The following GIPC2 variants were observed in gnomAD, a reference collection of about 807,000 sequenced individuals.
GIPC2 encodes the protein PDZ domain-containing protein GIPC2.
In GIPC2, 30 loss-of-function variants were observed where a neutral mutation model predicts 30.6. The observed-to-expected ratio is 0.98, with a 90% CI of 0.73 to 1.33. The LOEUF is 1.33. Among genes scored for constraint, GIPC2 ranks in the 40% most tolerant of loss-of-function variants. The probability of loss-of-function intolerance (pLI) is 0.00; values close to 1 mark genes in which losing one functional copy is unlikely to be tolerated. For synonymous variants in GIPC2, 167 were observed against 150.0 expected, an observed-to-expected ratio of 1.11 and a Z score of -0.83; for missense variants, 414 against 390.3, an observed-to-expected ratio of 1.06 and a Z score of -0.51.
At chr1:78,077,590 G>A (rs1661738700) in intron 1 of GIPC2, among the ~76,000 whole-genome samples, 1 of 152,160 alleles carries the variant, frequency 6.6e-6, no homozygotes, top group Admixed American at 6.5e-5. Context: ...GTGATACCTT[G>A]TTACGAGTTT....
intron 1 of GIPC2, among the ~76,000 whole-genome samples, chr1:78,051,875 C>T (rs950134301): frequency 6.6e-6 from 1 of 152,192 alleles, no homozygotes; most frequent in Non-Finnish European, 1.5e-5. Flanking sequence ...CTTCTTTTGA[C>T]ACCTGTTCCC....
At chr1:78,124,672 T>G (rs946017920) in intron 4 of GIPC2, among the ~76,000 whole-genome samples, 3 of 152,144 alleles carry the variant, frequency 2.0e-5, no homozygotes, top group African/African-American at 7.2e-5. Flanking sequence ...GCATCCTACT[T>G]GAAGTGTCCT....
rs1281761873 is a variant in GIPC2, at chr1:78,137,000, C to G, written c.*1257C>G. The G allele has an allele frequency of 1.3e-5, 2 of 152,068 alleles. No homozygotes were observed. Among genetic ancestry groups the G allele is most frequent in the African/African-American group, 2.4e-5 (1 of 41,430 alleles). 9.4% of individuals were successfully genotyped at this position (152,068 alleles called of 1,614,324 possible). A position where few individuals can be genotyped will look rare whatever the true frequency, so the allele number is the denominator to read the frequency against. ...GTATTCTAGGAAATCAGAAGTAGTTCTCTTTTCTTGCTGGATTATTGCTTA... is the reference window on the plus strand; with the variant it reads ...GTATTCTAGGAAATCAGAAGTAGTTGTCTTTTCTTGCTGGATTATTGCTTA... On this transcript the variant is annotated 3_prime_UTR_variant, in exon 6 of 6. Transcript: ENST00000370759.
intron 2 of GIPC2, among the ~76,000 whole-genome samples, chr1:78,085,715 T>G (rs1316670246): frequency 6.6e-6 from 1 of 152,070 alleles, no homozygotes; most frequent in Non-Finnish European, 1.5e-5. Flanking sequence ...TAGAGGTGTT[T>G]ATAGTAGTTT....
In GIPC2 at chr1:78,115,331, G is replaced by T. The variant is rs973285088; in HGVS notation, c.608-4062G>T. ...ATGGTAAACCAAAGCACATGTGGTAGATGAGAAGTTCATTTTTCACCCTGC... is the reference window on the plus strand; with the variant it reads ...ATGGTAAACCAAAGCACATGTGGTATATGAGAAGTTCATTTTTCACCCTGC... On this transcript the variant is annotated intron_variant, in intron 3 of 5. Coordinates refer to ENST00000370759, the MANE Select transcript of GIPC2 (RefSeq NM_017655.6). Among the ~76,000 whole-genome samples, 36 of 152,290 alleles carry T rather than the reference G, an allele frequency of 2.4e-4. 1 individual carries two copies. Among genetic ancestry groups the T allele is most frequent in the Middle Eastern group, 6.8e-3 (2 of 294 alleles).
intron 1 of GIPC2, among the ~76,000 whole-genome samples, chr1:78,065,558 C>A (rs1661490546): frequency 6.6e-6 from 1 of 151,566 alleles, no homozygotes; most frequent in Non-Finnish European, 1.5e-5. Flanking sequence ...TTTTAAAATT[C>A]ATATGGAAAG....
intron 5 of GIPC2, 98 bp from the exon 6 acceptor site, chr1:78,135,494 G>A: frequency 1.5e-6 from 1 of 664,770 alleles, no homozygotes; most frequent in South Asian, 2.0e-5. Flanking sequence ...ATATATTTAT[G>A]CATGTTACTT....
At chr1:78,082,629 T>A (rs976395687) in intron 2 of GIPC2, among the ~76,000 whole-genome samples, 1 of 152,208 alleles carries the variant, frequency 6.6e-6, no homozygotes, top group Non-Finnish European at 1.5e-5. Context: ...GTCTTTCTAT[T>A]TTTTAAAAAA....
chr1:78,078,628 A>C (rs1661763843), intron 1 of GIPC2, among the ~76,000 whole-genome samples: 1 of 152,216 alleles, frequency 6.6e-6, no homozygotes. Context: ...TTTGTAGTGA[A>C]GCATGCGAAA....
At chr1:78,125,008 A>G (rs1182766749) in intron 4 of GIPC2, among the ~76,000 whole-genome samples, 3 of 152,036 alleles carry the variant, frequency 2.0e-5, no homozygotes, top group Non-Finnish European at 4.4e-5. Flanking sequence ...AGCAAGACAA[A>G]AAAACCCCGC....
intron 1 of GIPC2, among the ~76,000 whole-genome samples, chr1:78,075,911 G>A (rs1164534609): frequency 1.3e-5 from 2 of 151,676 alleles, no homozygotes; most frequent in African/African-American, 2.4e-5. Flanking sequence ...TGACTGTCTC[G>A]AAGTAAGACT....
intron 3 of GIPC2, among the ~76,000 whole-genome samples, chr1:78,099,443 C>CTTTT (rs1300122222): frequency 7.0e-6 from 1 of 143,526 alleles, no homozygotes. Flanking sequence ...TTTTCTCTTT[C>CTTTT]TTTTTTTTTT....
upstream of GIPC2, chr1:78,045,752 G>C (rs1252694042): frequency 9.4e-7 from 1 of 1,058,466 alleles, no homozygotes; most frequent in Non-Finnish European, 1.1e-6. Context: ...GGGCCAGCGT[G>C]TTTGCCTTCT....
At chr1:78,107,228 A>T (rs1181830614) in intron 3 of GIPC2, among the ~76,000 whole-genome samples, 4 of 151,308 alleles carry the variant, frequency 2.6e-5, no homozygotes, top group African/African-American at 9.7e-5. Context: ...GTGCAGTCAC[A>T]GTTCACTGCA....
At chr1:78,069,538 A>G (rs947433079) in intron 1 of GIPC2, among the ~76,000 whole-genome samples, 5 of 149,542 alleles carry the variant, frequency 3.3e-5, no homozygotes, top group African/African-American at 9.9e-5. Flanking sequence ...CAGTGGTACA[A>G]TCTTGGCTTA....
At chr1:78,072,442 T>G (rs1661638649) in intron 1 of GIPC2, among the ~76,000 whole-genome samples, 3 of 146,864 alleles carry the variant, frequency 2.0e-5, no homozygotes. Flanking sequence ...GGGGCAATTA[T>G]GTAGCATAAG....
intron 2 of GIPC2, chr1:78,092,203 G>T: frequency 1.8e-6 from 1 of 570,580 alleles, no homozygotes; most frequent in African/African-American, 1.9e-5. Context: ...ATTGAAAGGG[G>T]AAAAAAAAGA....
intron 1 of GIPC2, among the ~76,000 whole-genome samples, chr1:78,052,564 CTAGCCTT>C (rs1661216178): frequency 6.6e-6 from 1 of 152,082 alleles, no homozygotes; most frequent in Admixed American, 6.6e-5. Flanking sequence ...AGGAAAGAGA[CTAGCCTT>C]TAGGTGGGGG....
chr1:78,117,759 G>A (rs550905024), intron 3 of GIPC2, among the ~76,000 whole-genome samples: 168 of 152,230 alleles, frequency 1.1e-3, no homozygotes, highest in South Asian at 0.011. Context: ...GAAGCGCACG[G>A]TATTTGCAGA....
Sources: allele counts gnomAD v4.1 joint callset (sites outside exome capture counted in the v4.1 genomes callset), GRCh38; gene constraint gnomAD v4.1.1; transcripts MANE v1.5; gene names NCBI Gene and HGNC (gene_info 2026-07-23, HGNC 2026-07-21).